RHOA: variants seen among roughly 807,000 people sequenced by gnomAD.
RHOA encodes the protein transforming protein RhoA.
Under a neutral mutation model 17.5 loss-of-function variants are expected in RHOA, and 3 were observed. That is an observed-to-expected ratio of 0.17 (90% CI 0.08 to 0.44). RHOA has a LOEUF of 0.44. Among genes scored for constraint, RHOA ranks in the 20% least tolerant of loss-of-function variants. The probability of loss-of-function intolerance (pLI) is 0.99; values close to 1 mark genes in which losing one functional copy is unlikely to be tolerated. For missense variants in RHOA, 56 were observed against 242.3 expected, an observed-to-expected ratio of 0.23 and a Z score of 5.10; for synonymous variants, 98 against 88.4, an observed-to-expected ratio of 1.11 and a Z score of -0.61.
intron 2 of RHOA, 114 bp from the exon 3 acceptor site, chr3:49,368,662 G>T (rs11716445): frequency 9.2e-7 from 1 of 1,081,576 alleles, no homozygotes; most frequent in Non-Finnish European, 1.4e-6. Context: ...ATGGCAGACG[G>T]TCTAAAACAG....
rs2047987534 is a variant in RHOA, at chr3:49,362,438, T to A, written c.408+58A>T. The A allele has an allele frequency of 1.1e-5, 16 of 1,508,882 alleles. No homozygotes were observed. The South Asian group carries it at 2.2e-4, about 21-fold the overall frequency. 93.5% of individuals were successfully genotyped at this position (1,508,882 alleles called of 1,614,324 possible). A position where few individuals can be genotyped will look rare whatever the true frequency, so the allele number is the denominator to read the frequency against. On this transcript the variant is annotated intron_variant, in intron 4 of 4. Transcript: ENST00000418115. ...AGGTTCCTGCTGGGCTCCCCAAACC[T>A]CCAAACTTGGGGCCCTAGTTCAAGA...
At chr3:49,385,550 T>A (rs1485319222) in intron 1 of RHOA, among the ~76,000 whole-genome samples, 1 of 152,150 alleles carries the variant, frequency 6.6e-6, no homozygotes, top group Non-Finnish European at 1.5e-5. Flanking sequence ...TTGTTTTTTT[T>A]ATTTTTTTGA....
chr3:49,394,018 C>T (rs1292674350), intron 1 of RHOA, among the ~76,000 whole-genome samples: 3 of 151,440 alleles, frequency 2.0e-5, no homozygotes, highest in Non-Finnish European at 4.4e-5. Flanking sequence ...CTACAGGCAC[C>T]CGCCAACACG....
At position 49,362,610 on chromosome 3, in the gene RHOA, C is replaced by T. The variant is rs774671853; in HGVS notation, c.294G>A (p.Lys98=). The part of the protein sequence containing the change: ...SPDSLENIPE[K]WTPEVKHFCP... Reference sequence around the variant, plus strand: ...AGAAATGCTTGACTTCTGGGGTCCACTTTTCTGGGATGTTTTCTGAAAGAA... The same window carrying T: ...AGAAATGCTTGACTTCTGGGGTCCATTTTTCTGGGATGTTTTCTGAAAGAA... The change falls in exon 4 of 5, where the codon AAG becomes AAA. Residue 98 remains lysine, a synonymous_variant. Coordinates refer to ENST00000418115, the MANE Select transcript of RHOA (RefSeq NM_001664.4). The T allele has an allele frequency of 6.2e-7, 1 of 1,612,150 alleles. No individual in the cohort carries two copies. Among genetic ancestry groups the T allele is most frequent in the South Asian group, 1.1e-5 (1 of 90,616 alleles).
chr3:49,381,147 G>A (rs552151262), intron 1 of RHOA, among the ~76,000 whole-genome samples: 1 of 152,200 alleles, frequency 6.6e-6, no homozygotes, highest in South Asian at 2.1e-4. Flanking sequence ...GCTCATGCCT[G>A]TAATGCCAGC....
chr3:49,379,859 T>C (rs2048289268), intron 1 of RHOA, among the ~76,000 whole-genome samples: 1 of 152,174 alleles, frequency 6.6e-6, no homozygotes, highest in African/African-American at 2.4e-5. Flanking sequence ...AATTGTAAGA[T>C]ATGTGGATTA....
intron 3 of RHOA, among the ~76,000 whole-genome samples, chr3:49,362,849 A>G (rs1311230300): frequency 4.6e-5 from 7 of 152,154 alleles, no homozygotes; most frequent in Non-Finnish European, 4.4e-5. Flanking sequence ...AGTGGTGCTG[A>G]GCATCTCTGT....
chr3:49,393,763 G>A (rs1486253209), intron 1 of RHOA, among the ~76,000 whole-genome samples: 1 of 150,952 alleles, frequency 6.6e-6, no homozygotes, highest in East Asian at 1.9e-4. Context: ...AGGCTGGAGT[G>A]CAGTGGTGCA....
chr3:49,401,559 A>C (rs1232924002), intron 1 of RHOA, among the ~76,000 whole-genome samples: 5 of 736 alleles, frequency 6.8e-3, no homozygotes, highest in African/African-American at 8.0e-3. Context: ...ACTCTGTCTC[A>C]AAAAAAAAAA....
At chr3:49,368,698 T>C (rs950660051) in intron 2 of RHOA, 150 bp from the exon 3 acceptor site, 7 of 779,452 alleles carry the variant, frequency 9.0e-6, no homozygotes, top group South Asian at 1.9e-5. Context: ...TTTACATTTT[T>C]TCTTTTTTCT....
chr3:49,379,543 T>G (rs953921785), intron 1 of RHOA, among the ~76,000 whole-genome samples: 2 of 152,142 alleles, frequency 1.3e-5, no homozygotes, highest in Non-Finnish European at 2.9e-5. Flanking sequence ...AGACAGGGTC[T>G]CACTCTGTTG....
At chr3:49,397,129 CAA>C (rs141767876) in intron 1 of RHOA, among the ~76,000 whole-genome samples, 15 of 86,218 alleles carry the variant, frequency 1.7e-4, no homozygotes, top group Middle Eastern at 6.8e-3. Flanking sequence ...AATCCTGTCT[CAA>C]AAAAAAAAAA....
intron 3 of RHOA, among the ~76,000 whole-genome samples, chr3:49,366,119 G>C (rs753445285): frequency 2.0e-5 from 3 of 152,060 alleles, no homozygotes; most frequent in Non-Finnish European, 4.4e-5. Context: ...TTTCCCTCAA[G>C]AATTATACAC....
At chr3:49,405,826 A>G (rs1298207587) in intron 1 of RHOA, among the ~76,000 whole-genome samples, 1 of 152,142 alleles carries the variant, frequency 6.6e-6, no homozygotes, top group African/African-American at 2.4e-5. Context: ...CTGGGATTAC[A>G]GGCACTCACT....
intron 3 of RHOA, among the ~76,000 whole-genome samples, chr3:49,363,118 T>C (rs1464698964): frequency 2.6e-5 from 4 of 152,224 alleles, no homozygotes; most frequent in South Asian, 2.1e-4. Context: ...GTATTTCAAA[T>C]GGCTGAAGAG....
chr3:49,381,550 G>C (rs1331775450), intron 1 of RHOA, among the ~76,000 whole-genome samples: 2 of 148,566 alleles, frequency 1.3e-5, no homozygotes, highest in South Asian at 4.3e-4. Context: ...ACTCCAGCCT[G>C]GGCAACACAG....
chr3:49,398,602 T>A (rs2048659251), intron 1 of RHOA, among the ~76,000 whole-genome samples: 1 of 150,320 alleles, frequency 6.7e-6, no homozygotes, highest in Non-Finnish European at 1.5e-5. Context: ...GGCGGGTGGA[T>A]CACGAGGTCA....
intron 1 of RHOA, among the ~76,000 whole-genome samples, chr3:49,404,175 C>G (rs1421138903): frequency 6.8e-6 from 1 of 146,650 alleles, no homozygotes; most frequent in East Asian, 1.9e-4. Flanking sequence ...GTGGCACATA[C>G]ACCTGTAGTC....
intron 3 of RHOA, 51 bp from the exon 4 acceptor site, chr3:49,362,677 G>T: frequency 6.8e-7 from 1 of 1,471,004 alleles, no homozygotes. Flanking sequence ...CTATCTTGAA[G>T]ACTTTCCAAG....
Sources: allele counts gnomAD v4.1 joint callset (sites outside exome capture counted in the v4.1 genomes callset), GRCh38; gene constraint gnomAD v4.1.1; transcripts MANE v1.5; gene names NCBI Gene and HGNC (gene_info 2026-07-23, HGNC 2026-07-21).